Variants in ANGPTL2 observed in about 807,000 individuals in gnomAD.
ANGPTL2 encodes the protein angiopoietin-related protein 2.
Under a neutral mutation model 52.8 loss-of-function variants are expected in ANGPTL2, and 25 were observed. The ratio of observed to expected loss-of-function variants is 0.47; its 90% CI spans 0.35 to 0.66. ANGPTL2 has a LOEUF of 0.66. Ranked by LOEUF, ANGPTL2 falls within the 30% of genes least tolerant of loss-of-function variation. ANGPTL2 has a pLI of 0.01. For missense variants in ANGPTL2, 546 were observed against 656.9 expected, an observed-to-expected ratio of 0.83 and a Z score of 1.84; for synonymous variants, 276 against 277.4, an observed-to-expected ratio of 1.00 and a Z score of 0.05.
At chr9:127,100,754 G>T (rs1182485642) in intron 2 of ANGPTL2, among the ~76,000 whole-genome samples, 2 of 152,226 alleles carry the variant, frequency 1.3e-5, no homozygotes, top group Non-Finnish European at 2.9e-5. Context: ...ACAATCCACA[G>T]ATATGGACAG....
intron 1 of ANGPTL2, among the ~76,000 whole-genome samples, chr9:127,118,813 CA>C (rs2055730060): frequency 1.3e-5 from 2 of 152,340 alleles, no homozygotes; most frequent in South Asian, 4.1e-4. Flanking sequence ...GGCTGTGATT[CA>C]GAGAGGCCAG....
intron 1 of ANGPTL2, 109 bp from the exon 2 acceptor site, chr9:127,108,889 C>CT: frequency 1.3e-6 from 1 of 791,308 alleles, no homozygotes; most frequent in African/African-American, 1.7e-5. Context: ...TCCAAAAACT[C>CT]TGCTTCAGGA....
chr9:127,112,839 TA>T (rs2054981555), intron 1 of ANGPTL2, among the ~76,000 whole-genome samples: 1 of 152,268 alleles, frequency 6.6e-6, no homozygotes, highest in South Asian at 2.1e-4. Context: ...TCTCCTTGAC[TA>T]ATGCTTGCAC....
chr9:127,117,642 G>A (rs927718657), intron 1 of ANGPTL2, among the ~76,000 whole-genome samples: 2 of 152,250 alleles, frequency 1.3e-5, no homozygotes, highest in Non-Finnish European at 2.9e-5. Flanking sequence ...GAGAGGAATG[G>A]TGTGGCACCC....
chr9:127,108,362 G>A lies in ANGPTL2; in HGVS notation c.370C>T (p.Arg124Cys), dbSNP rs1318619602. Reference sequence around the variant, plus strand: ...GAGTTCATGTTGCGGCTCTCCTTGCGCAGCAGCTTCACCTCGCTCACAATG... The same window carrying A: ...GAGTTCATGTTGCGGCTCTCCTTGCACAGCAGCTTCACCTCGCTCACAATG... ...GGIVSEVKLL[R>C]KESRNMNSRV... The change falls in exon 2 of 5, where the codon CGC becomes TGC. Residue 124 changes from arginine to cysteine, a missense_variant. Transcript: ENST00000373425. 6 of 1,611,262 alleles carry A rather than the reference G, an allele frequency of 3.7e-6. No individual in the cohort carries two copies. Among genetic ancestry groups the A allele is most frequent in the African/African-American group, 1.3e-5 (1 of 74,786 alleles).
intron 1 of ANGPTL2, among the ~76,000 whole-genome samples, chr9:127,109,032 C>T (rs936594144): frequency 6.6e-6 from 1 of 152,196 alleles, no homozygotes; most frequent in Non-Finnish European, 1.5e-5. Context: ...GGCCATGGCC[C>T]TGCTACTCCC....
chr9:127,118,857 G>A (rs776836435), intron 1 of ANGPTL2, among the ~76,000 whole-genome samples: 1 of 152,204 alleles, frequency 6.6e-6, no homozygotes, highest in African/African-American at 2.4e-5. Context: ...CAGGGCTGCT[G>A]TCTGTTATGT....
intron 1 of ANGPTL2, among the ~76,000 whole-genome samples, chr9:127,121,232 C>T (rs1162909626): frequency 2.0e-5 from 3 of 152,198 alleles, no homozygotes; most frequent in Non-Finnish European, 4.4e-5. Flanking sequence ...CCATTGTTAC[C>T]ACCTGGGCAG....
intron 1 of ANGPTL2, among the ~76,000 whole-genome samples, chr9:127,120,376 G>A (rs1055613120): frequency 6.6e-6 from 1 of 152,148 alleles, no homozygotes; most frequent in Non-Finnish European, 1.5e-5. Flanking sequence ...CATGCTGCAG[G>A]TGGCCCCAAA....
rs1274768812 is a variant in ANGPTL2 at position 127,088,999 on chromosome 9, G to T, written c.1422C>A (p.Gly474=). The change falls in exon 5 of 5, where the codon GGC becomes GGA. Residue 474 remains glycine (G), a synonymous_variant. Coordinates refer to ENST00000373425, the MANE Select transcript of ANGPTL2 (RefSeq NM_012098.3). Reference sequence around the variant, plus strand: ...TCACCACTTTCTTGAGTGAGTAAGAGCCTCCTCGGAACTCAGCCCAGTAGA... The same window carrying T: ...TCACCACTTTCTTGAGTGAGTAAGATCCTCCTCGGAACTCAGCCCAGTAGA... The part of the protein sequence containing the change: ...DGVYWAEFRG[G]SYSLKKVVMM... The T allele has an allele frequency of 1.2e-6, 2 of 1,614,092 alleles. No homozygotes were observed. Among genetic ancestry groups the T allele is most frequent in the African/African-American group, 1.3e-5 (1 of 74,918 alleles).
intron 2 of ANGPTL2, among the ~76,000 whole-genome samples, chr9:127,105,863 G>C (rs2054166974): frequency 6.6e-6 from 1 of 152,228 alleles, no homozygotes; most frequent in Admixed American, 6.5e-5. Context: ...GTCTAGTGCT[G>C]CGACTAGCAT....
chr9:127,098,964 A>T (rs553133981), intron 2 of ANGPTL2, among the ~76,000 whole-genome samples: 2 of 152,316 alleles, frequency 1.3e-5, no homozygotes, highest in African/African-American at 4.8e-5. Flanking sequence ...CCCTCTTACT[A>T]GGAAAACATG....
intron 1 of ANGPTL2, among the ~76,000 whole-genome samples, chr9:127,118,163 T>C (rs1303618375): frequency 6.6e-6 from 1 of 152,196 alleles, no homozygotes; most frequent in Non-Finnish European, 1.5e-5. Context: ...CAAGGGATTC[T>C]CCTGCCACAC....
rs547264546 is a variant in ANGPTL2 at position 127,091,583 on chromosome 9, C to T, written c.1282+87G>A. 128 of 1,521,392 alleles carry T rather than the reference C, an allele frequency of 8.4e-5. No homozygotes were observed. The African/African-American group carries it at 1.4e-3, about 17-fold the overall frequency. The allele number at this position is 1,521,392 out of a possible 1,614,324, so 94.2% of individuals were successfully genotyped here. A position where few individuals can be genotyped will look rare whatever the true frequency, so the allele number is the denominator to read the frequency against. Reference sequence around the variant, plus strand: ...GCTGCTTCTCACCCTGGGATCTTCCCGTTTCCAAGCCCTGGAGTCAGGGGC... The same window carrying T: ...GCTGCTTCTCACCCTGGGATCTTCCTGTTTCCAAGCCCTGGAGTCAGGGGC... On this transcript the variant is annotated intron_variant, in intron 4 of 4. Transcript: ENST00000373425. This position sits in a 1 kb window ranked among gnomAD's most constrained non-coding sequence, Gnocchi z 4.3.
At chr9:127,089,693 A>C (rs575644937) in intron 4 of ANGPTL2, among the ~76,000 whole-genome samples, 1 of 152,344 alleles carries the variant, frequency 6.6e-6, no homozygotes, top group South Asian at 2.1e-4. Context: ...AATTTTTTGT[A>C]TTACTTCACA....
chr9:127,093,724 G>A lies in ANGPTL2; in HGVS notation c.1011+9C>T, dbSNP rs1489118451. ...GTGGGCAGCACAGACATCCCCTGCC[G>A]AGTCTCACCTTGTACGTCTCCCAGT... On this transcript the variant is annotated intron_variant, in intron 3 of 4. Transcript: ENST00000373425. The A allele has an allele frequency of 3.1e-6, 5 of 1,613,408 alleles. No homozygotes were observed. In the African/African-American group the frequency reaches 4.0e-5, roughly 13 times the overall value.
In ANGPTL2 at chr9:127,089,108, C is replaced by T; in HGVS notation, c.1313G>A (p.Trp438Ter). ...GGAGTGGGCACAGGCGTTATACCAC[C>T]AGCCTCCCTTCTGGTAGTGGGCACA... ...GNCAHYQKGG[W>*]WYNACAHSNL... The change falls in exon 5 of 5, where the codon TGG (tryptophan) becomes TAG (stop). Residue 438 changes from tryptophan (W) to a stop codon, truncating the protein, a stop_gained. Coordinates refer to ENST00000373425, the MANE Select transcript of ANGPTL2 (RefSeq NM_012098.3). LOFTEE classifies it high-confidence loss of function. 6.2e-7 allele frequency: 1 copy of T among 1,614,232 alleles called. No individual in the cohort carries two copies. Among genetic ancestry groups the T allele is most frequent in the Non-Finnish European group, 8.5e-7 (1 of 1,180,048 alleles).
chr9:127,097,380 A>G (rs1050135795), intron 2 of ANGPTL2, among the ~76,000 whole-genome samples: 1 of 152,270 alleles, frequency 6.6e-6, no homozygotes, highest in African/African-American at 2.4e-5. Flanking sequence ...AAAAATGTGC[A>G]TATGTGTCTG....
At chr9:127,093,245 G>T (rs538653737) in intron 3 of ANGPTL2, among the ~76,000 whole-genome samples, 1 of 152,150 alleles carries the variant, frequency 6.6e-6, no homozygotes, top group Non-Finnish European at 1.5e-5. Context: ...GAACCAGGGA[G>T]CCCAGAGGAT....
Sources: gnomAD v4.1 joint callset for allele counts (sites outside exome capture counted in the v4.1 genomes callset) on GRCh38, gnomAD v4.1.1 for gene constraint, Gnocchi (gnomAD v3.1) non-coding constraint, MANE v1.5 for transcripts, NCBI Gene and HGNC (gene_info 2026-07-23, HGNC 2026-07-21) for gene names.